The following ZNF704 variants were observed in gnomAD, a reference collection of about 807,000 sequenced individuals.
ZNF704 encodes the protein zinc finger protein 704, also known as glucocorticoid induced gene 1.
A neutral mutation model predicts 44.7 loss-of-function variants in ZNF704; 10 were observed. That is an observed-to-expected ratio of 0.22 (90% confidence interval 0.14 to 0.38). ZNF704 has a LOEUF of 0.38. Ranked by LOEUF, ZNF704 falls within the 10% of genes least tolerant of loss-of-function variation. The probability of loss-of-function intolerance (pLI) is 1.00; values close to 1 mark genes in which losing one functional copy is unlikely to be tolerated. For missense variants in ZNF704, 390 were observed against 545.5 expected (o/e 0.71, Z 2.84); for synonymous variants, 211 against 207.6 (o/e 1.02, Z -0.14).
At chr8:80,678,309 A>G (rs570516400) in intron 4 of ZNF704, among the ~76,000 whole-genome samples, 13 of 152,302 alleles carry the variant, frequency 8.5e-5, no homozygotes, top group African/African-American at 2.9e-4. Flanking sequence ...ATCGCAAAAC[A>G]AAGTTCTGCT....
At chr8:80,845,505 C>T (rs1263448140) in intron 1 of ZNF704, among the ~76,000 whole-genome samples, 1 of 152,322 alleles carries the variant, frequency 6.6e-6, no homozygotes, top group African/African-American at 2.4e-5. Flanking sequence ...CAGAAATACT[C>T]TACATGTCAA....
At chr8:80,799,193 A>G (rs1807858281) in intron 2 of ZNF704, among the ~76,000 whole-genome samples, 1 of 152,238 alleles carries the variant, frequency 6.6e-6, no homozygotes, top group African/African-American at 2.4e-5. Flanking sequence ...AAACCATAGG[A>G]ACTGGAAATT....
In ZNF704 at chr8:80,836,491, A is replaced by G. The variant is rs1254323956; in HGVS notation, c.-21-14876T>C. ...ATTCTATATCAGCTACAGAATTATC[A>G]TTCTAGCCAGGTGTGGTAGCTCATG... is the stretch of plus-strand genomic sequence containing the variant. On this transcript the variant is annotated intron_variant, in intron 1 of 8. Coordinates refer to ENST00000327835, the MANE Select transcript of ZNF704 (RefSeq NM_001033723.3). Among the ~76,000 whole-genome samples, 3 of 152,146 alleles carry G rather than the reference A, an allele frequency of 2.0e-5. No individual in the cohort carries two copies. The East Asian group carries it at 5.8e-4, about 29-fold the overall frequency.
At chr8:80,839,721 T>G (rs143907943) in intron 1 of ZNF704, among the ~76,000 whole-genome samples, 116 of 152,178 alleles carry the variant, frequency 7.6e-4, no homozygotes, top group Non-Finnish European at 1.5e-3. Flanking sequence ...TAACCCCTGA[T>G]AGATGACTGT....
At chr8:80,676,860 C>T (rs1445643612) in intron 4 of ZNF704, among the ~76,000 whole-genome samples, 10 of 152,134 alleles carry the variant, frequency 6.6e-5, no homozygotes, top group Non-Finnish European at 1.3e-4. Flanking sequence ...GAATCTAATG[C>T]GGCTGTTGAC....
intron 2 of ZNF704, among the ~76,000 whole-genome samples, chr8:80,795,914 A>G (rs546538606): frequency 2.6e-5 from 4 of 152,154 alleles, no homozygotes; most frequent in Non-Finnish European, 4.4e-5. Context: ...GACATTTCCA[A>G]ATGCCTCTTG....
chr8:80,683,003 C>T (rs1210670411), intron 4 of ZNF704, among the ~76,000 whole-genome samples: 16 of 152,162 alleles, frequency 1.1e-4, no homozygotes, highest in Admixed American at 1.0e-3. Flanking sequence ...TTCTGATCAG[C>T]GCTTCTTGAC....
At chr8:80,706,259 T>C (rs939831685) in intron 2 of ZNF704, among the ~76,000 whole-genome samples, 1 of 152,192 alleles carries the variant, frequency 6.6e-6, no homozygotes, top group Non-Finnish European at 1.5e-5. Context: ...TTCATGGTGA[T>C]AGCAGTTATT....
In ZNF704 at chr8:80,847,066, G is replaced by A. The variant is rs562005473; in HGVS notation, c.-21-25451C>T. On this transcript the variant is annotated intron_variant, in intron 1 of 8. Coordinates refer to ENST00000327835, the MANE Select transcript of ZNF704 (RefSeq NM_001033723.3). Reference sequence around the variant, plus strand: ...CGCATGTCTGTAATCCCAGCTACTCGGGTGGCTGAGGCAGGAGAATCACTT... The same window carrying A: ...CGCATGTCTGTAATCCCAGCTACTCAGGTGGCTGAGGCAGGAGAATCACTT... Among the ~76,000 whole-genome samples, 4 of 152,196 alleles carry A rather than the reference G, an allele frequency of 2.6e-5. No individual in the cohort carries two copies. The South Asian group carries it at 6.2e-4, about 24-fold the overall frequency.
At chr8:80,669,090 G>A (rs1040432676) in intron 5 of ZNF704, among the ~76,000 whole-genome samples, 4 of 152,158 alleles carry the variant, frequency 2.6e-5, no homozygotes, top group Admixed American at 6.5e-5. Context: ...GGACTAACAC[G>A]TGATACCAAT....
chr8:80,660,626 A>G (rs567946736), intron 6 of ZNF704, among the ~76,000 whole-genome samples: 4 of 152,308 alleles, frequency 2.6e-5, no homozygotes, highest in South Asian at 4.1e-4. Flanking sequence ...GAACCAAGAA[A>G]TAAGTCCACA....
intron 2 of ZNF704, among the ~76,000 whole-genome samples, chr8:80,810,170 G>A (rs988256116): frequency 6.6e-6 from 1 of 152,134 alleles, no homozygotes; most frequent in Non-Finnish European, 1.5e-5. Context: ...AGGGTACCAG[G>A]TGACATTTTT....
chr8:80,775,757 C>T (rs889540158), intron 2 of ZNF704, among the ~76,000 whole-genome samples: 1 of 152,120 alleles, frequency 6.6e-6, no homozygotes, highest in Non-Finnish European at 1.5e-5. Flanking sequence ...GAATACTTAT[C>T]TTTATGGACA....
intron 2 of ZNF704, among the ~76,000 whole-genome samples, chr8:80,739,944 C>T (rs1806729158): frequency 6.6e-6 from 1 of 152,128 alleles, no homozygotes; most frequent in African/African-American, 2.4e-5. Flanking sequence ...CTGAGGGTGC[C>T]CGGGCCAAGT....
rs1290389122 is a variant in ZNF704, at chr8:80,821,440, C to A, written c.155G>T (p.Arg52Leu). The change falls in exon 2 of 9, where the codon CGC becomes CTC. Residue 52 changes from arginine to leucine, a missense_variant. Arg to Leu is a moderately radical substitution (Grantham distance 102). Coordinates refer to ENST00000327835, the MANE Select transcript of ZNF704 (RefSeq NM_001033723.3). ...TTTTTGCTCAAGGAGACAGATGGAG[C>A]GAGTGTTTTCTTTTTCATGGTCAAG... ...RILDHEKENT[R>L]SICLLEQKRK... 5 of 1,614,118 alleles carry A rather than the reference C, an allele frequency of 3.1e-6. No individual in the cohort carries two copies. Among genetic ancestry groups the A allele is most frequent in the Non-Finnish European group, 4.2e-6 (5 of 1,180,000 alleles).
intron 2 of ZNF704, among the ~76,000 whole-genome samples, chr8:80,811,295 G>A (rs1808077573): frequency 6.6e-6 from 1 of 152,022 alleles, no homozygotes; most frequent in Admixed American, 6.6e-5. Context: ...GATACATTGG[G>A]TTAAATAATA....
At chr8:80,733,321 T>C (rs1806613803) in intron 2 of ZNF704, among the ~76,000 whole-genome samples, 1 of 152,210 alleles carries the variant, frequency 6.6e-6, no homozygotes, top group Admixed American at 6.5e-5. Flanking sequence ...CACTGCCTTA[T>C]CTCCTCATGA....
At chr8:80,692,925 C>T (rs1285734314) in intron 3 of ZNF704, 79 bp downstream of exon 3, 2 of 1,298,954 alleles carry the variant, frequency 1.5e-6, no homozygotes, top group African/African-American at 2.9e-5. Context: ...TAGCGCTTGA[C>T]AGGAATGAGA....
intron 4 of ZNF704, among the ~76,000 whole-genome samples, chr8:80,680,327 C>T (rs191250326): frequency 9.1e-4 from 138 of 151,730 alleles, no homozygotes; most frequent in African/African-American, 3.3e-3. Context: ...CTGGAGTTAA[C>T]GTCATGTTCT....
Sources: gnomAD v4.1 joint callset for allele counts (sites outside exome capture counted in the v4.1 genomes callset) on GRCh38, gnomAD v4.1.1 for gene constraint, MANE v1.5 for transcripts, NCBI Gene and HGNC (gene_info 2026-07-23, HGNC 2026-07-21) for gene names.